LYZL2: variants seen among roughly 807,000 people sequenced by gnomAD.
LYZL2 encodes the protein lysozyme like 2.
A neutral mutation model predicts 17.1 loss-of-function variants in LYZL2; 13 were observed. The observed-to-expected ratio is 0.76, with a 90% CI of 0.49 to 1.21. LYZL2 has a LOEUF of 1.21. LYZL2 is among the 50% of genes most tolerant of loss of function. The pLI is 0.00. For synonymous variants in LYZL2, 63 were observed against 74.4 expected (o/e 0.85, Z 0.79); for missense variants, 166 against 189.2 (o/e 0.88, Z 0.72).
chr10:30,608,503 C>T (rs1433020964), downstream of LYZL2, among the ~76,000 whole-genome samples: 1 of 152,106 alleles, frequency 6.6e-6, no homozygotes, highest in African/African-American at 2.4e-5. Context: ...CTATATGGAA[C>T]GCAGGTGAAG....
chr10:30,611,560 AAG>A (rs1564405799), downstream of LYZL2, among the ~76,000 whole-genome samples: 1,487 of 99,966 alleles, frequency 0.015, 16 homozygotes, highest in Admixed American at 0.017. Flanking sequence ...GGAAGGAAGG[AAG>A]GAAGGAAGGA....
At chr10:30,615,402 T>A (rs1363436809) in intron 3 of LYZL2, among the ~76,000 whole-genome samples, 1 of 152,150 alleles carries the variant, frequency 6.6e-6, no homozygotes, top group Non-Finnish European at 1.5e-5. Flanking sequence ...GATGGAAGGG[T>A]CCAAACTTTC....
Position 30,626,759 on chromosome 10 carries a change from G to T in LYZL2, c.139+18C>A. 1 of 1,614,208 alleles carries T rather than the reference G, an allele frequency of 6.2e-7. No homozygotes were observed. Among genetic ancestry groups the T allele is most frequent in the Non-Finnish European group, 8.5e-7 (1 of 1,180,022 alleles). On this transcript the variant is annotated intron_variant, in intron 2 of 4. Coordinates refer to ENST00000647634, the MANE Select transcript of LYZL2 (RefSeq NM_183058.3). ...AAAGGTCAAGGACAGAAAGAGAGCA[G>T]GAAAGAAATAATCTCACAGTTTCCA...
downstream of LYZL2, among the ~76,000 whole-genome samples, chr10:30,611,562 G>GAAAGAAAGAAAGAAA (rs1564405809): frequency 1.2e-5 from 1 of 83,798 alleles, no homozygotes; most frequent in African/African-American, 5.5e-5. Context: ...AAGGAAGGAA[G>GAAAGAAAGAAAGAAA]GAAGGAAGGA....
chr10:30,628,637 G>C (rs1474480570), intron 1 of LYZL2, among the ~76,000 whole-genome samples: 1 of 152,148 alleles, frequency 6.6e-6, no homozygotes, highest in Non-Finnish European at 1.5e-5. Flanking sequence ...TGTTCATCCC[G>C]TGTCATTTTC....
intron 3 of LYZL2, among the ~76,000 whole-genome samples, chr10:30,617,162 G>T (rs925068127): frequency 6.6e-6 from 1 of 152,084 alleles, no homozygotes; most frequent in Non-Finnish European, 1.5e-5. Flanking sequence ...GGGATTGGAG[G>T]TCATCCCAGG....
chr10:30,611,718 G>GAAAGAAAGAAAGAAAGAAAGAAAGGAAGA (rs1554785015), downstream of LYZL2: 3 of 466,878 alleles, frequency 6.4e-6, no homozygotes, highest in South Asian at 8.3e-5. Flanking sequence ...AAGAAAGAAA[G>GAAAGAAAGAAAGAAAGAAAGAAAGGAAGA]AAAGAAAAGA....
intron 3 of LYZL2, among the ~76,000 whole-genome samples, chr10:30,619,888 T>C (rs1473520470): frequency 6.6e-6 from 1 of 151,984 alleles, no homozygotes; most frequent in African/African-American, 2.4e-5. Flanking sequence ...CTCTTTCAAA[T>C]ACTAAAAAAT....
chr10:30,614,630 C>A (rs1271797986), intron 3 of LYZL2, among the ~76,000 whole-genome samples: 1 of 152,152 alleles, frequency 6.6e-6, no homozygotes, highest in African/African-American at 2.4e-5. Context: ...TACTGCTTGT[C>A]AATTATGCAA....
intron 4 of LYZL2, among the ~76,000 whole-genome samples, chr10:30,612,498 G>GC (rs1403191174): frequency 6.6e-6 from 1 of 152,168 alleles, no homozygotes; most frequent in East Asian, 1.9e-4. Context: ...GCAAACTCAA[G>GC]CTTTTTTTTC....
chr10:30,617,403 C>A (rs183218282), intron 3 of LYZL2, among the ~76,000 whole-genome samples: 12 of 152,170 alleles, frequency 7.9e-5, no homozygotes, highest in African/African-American at 2.9e-4. Flanking sequence ...CGACCGGGCG[C>A]GGCGGCTCAC....
chr10:30,613,411 C>T (rs1005185095), intron 3 of LYZL2, among the ~76,000 whole-genome samples: 5 of 150,994 alleles, frequency 3.3e-5, no homozygotes, highest in Admixed American at 1.3e-4. Flanking sequence ...GTGGGAGAAT[C>T]ACTTGAGCCC....
At position 30,612,006 on chromosome 10, in the gene LYZL2, G is replaced by C; in HGVS notation, c.396C>G (p.His132Gln). 1 of 1,614,182 alleles carries C rather than the reference G, an allele frequency of 6.2e-7. No homozygotes were observed. Reference sequence around the variant, plus strand: ...AGTCGGACAGGTCTCTCCCCTCACAGTGTTTCTTCCAGCCTTGCCTGAGGA... The same window carrying C: ...AGTCGGACAGGTCTCTCCCCTCACACTGTTTCTTCCAGCCTTGCCTGAGGA... Reference protein sequence around the residue: ...GMNYWQGWKKHCEGRDLSDWK... With the variant: ...GMNYWQGWKKQCEGRDLSDWK... The change falls in exon 5 of 5, where the codon CAC becomes CAG. Residue 132 changes from histidine (H) to glutamine (Q), a missense_variant. By Grantham distance (24) the His-to-Gln change is conservative. Transcript: ENST00000647634.
intron 1 of LYZL2, among the ~76,000 whole-genome samples, chr10:30,627,978 T>C (rs1047668131): frequency 1.6e-4 from 24 of 152,252 alleles, no homozygotes; most frequent in Admixed American, 5.9e-4. Flanking sequence ...GCTAATGCGG[T>C]GAAACCCCGT....
intron 1 of LYZL2, 77 bp from the exon 2 acceptor site, chr10:30,627,017 G>A: frequency 6.4e-7 from 1 of 1,566,224 alleles, no homozygotes; most frequent in Non-Finnish European, 8.7e-7. Context: ...ACTGTGCACA[G>A]CCCTGCCTAG....
intron 3 of LYZL2, among the ~76,000 whole-genome samples, chr10:30,615,459 A>G (rs1838512358): frequency 6.6e-6 from 1 of 152,186 alleles, no homozygotes; most frequent in Non-Finnish European, 1.5e-5. Context: ...AGCTATTGTG[A>G]CCATAGTTAA....
At chr10:30,611,423 C>T (rs544782474), downstream of LYZL2, among the ~76,000 whole-genome samples, 119 of 147,266 alleles carry the variant, frequency 8.1e-4, no homozygotes, top group African/African-American at 2.5e-3. Flanking sequence ...CGCTTGAACC[C>T]GGGAGGTGGA....
At chr10:30,627,703 G>A (rs1219442595) in intron 1 of LYZL2, among the ~76,000 whole-genome samples, 1 of 152,082 alleles carries the variant, frequency 6.6e-6, no homozygotes, top group Admixed American at 6.5e-5. Flanking sequence ...GCTATTAGTC[G>A]TTAAGCTTCT....
chr10:30,617,045 G>A (rs1447704671), intron 3 of LYZL2, among the ~76,000 whole-genome samples: 1 of 152,156 alleles, frequency 6.6e-6, no homozygotes, highest in Non-Finnish European at 1.5e-5. Flanking sequence ...ACACTCGTTT[G>A]TGTTTGGAAG....
Sources: gnomAD v4.1 joint callset for allele counts (sites outside exome capture counted in the v4.1 genomes callset) on GRCh38, gnomAD v4.1.1 for gene constraint, MANE v1.5 for transcripts, NCBI Gene and HGNC (gene_info 2026-07-23, HGNC 2026-07-21) for gene names.